Variants in CNTN5 observed in about 807,000 individuals in gnomAD.
CNTN5 encodes the protein contactin-5.
A neutral mutation model predicts 129.1 loss-of-function variants in CNTN5; 77 were observed. That is an observed-to-expected ratio of 0.60 (90% CI 0.50 to 0.72). The LOEUF is 0.72. CNTN5 is among the 30% of genes least tolerant of loss of function. The pLI is 0.00. For synonymous variants in CNTN5, 509 were observed against 465.6 expected (o/e 1.09, Z -1.20); for missense variants, 1,478 against 1,328.8 (o/e 1.11, Z -1.75).
intron 2 of CNTN5, among the ~76,000 whole-genome samples, chr11:99,463,899 C>T (rs1944833361): frequency 6.6e-6 from 1 of 152,048 alleles, no homozygotes; most frequent in Non-Finnish European, 1.5e-5. Flanking sequence ...AGTTTTTAAA[C>T]TAAAAGAAGA....
chr11:99,840,004 C>T (rs973035380), intron 4 of CNTN5, among the ~76,000 whole-genome samples: 1 of 150,844 alleles, frequency 6.6e-6, no homozygotes, highest in Non-Finnish European at 1.5e-5. Flanking sequence ...AAAAAAAAAT[C>T]GTACAAGATG....
chr11:99,096,892 G>C (rs1866491231), intron 1 of CNTN5, among the ~76,000 whole-genome samples: 2 of 151,776 alleles, frequency 1.3e-5, no homozygotes, highest in African/African-American at 2.4e-5. Context: ...TGCAGATAAT[G>C]ATTTCAAGAC....
intron 3 of CNTN5, among the ~76,000 whole-genome samples, chr11:99,645,600 A>G (rs1445161210): frequency 6.6e-6 from 1 of 152,154 alleles, no homozygotes; most frequent in Non-Finnish European, 1.5e-5. Context: ...AATATACACC[A>G]TGGAATACTA....
Position 99,595,675 on chromosome 11 carries a change from A to T in CNTN5, c.55+39406A>T, listed in dbSNP as rs117467460. ...CTAATACCTTATTCTAAATAAAGAAAAACTAACAATACAGAGGCTTTGTCC... is the reference window on the plus strand; with the variant it reads ...CTAATACCTTATTCTAAATAAAGAATAACTAACAATACAGAGGCTTTGTCC... On this transcript the variant is annotated intron_variant, in intron 3 of 24. Coordinates refer to ENST00000524871, the MANE Select transcript of CNTN5 (RefSeq NM_014361.4). Among the ~76,000 whole-genome samples, 1,359 of 152,198 alleles carry T rather than the reference A, an allele frequency of 8.9e-3. 15 individuals are homozygous for T. Among genetic ancestry groups the T allele is most frequent in the South Asian group, 0.027 (131 of 4,816 alleles).
chr11:99,590,750 C>A (rs1467890348), intron 3 of CNTN5, among the ~76,000 whole-genome samples: 1 of 152,080 alleles, frequency 6.6e-6, no homozygotes. Flanking sequence ...GCAAAGGGAA[C>A]AATGGTTTGA....
intron 1 of CNTN5, among the ~76,000 whole-genome samples, chr11:99,216,635 G>GGAT (rs1461515086): frequency 2.0e-4 from 30 of 151,972 alleles, no homozygotes; most frequent in African/African-American, 7.0e-4. Flanking sequence ...AAATTAATAT[G>GGAT]GATTAAATAC....
intron 3 of CNTN5, among the ~76,000 whole-genome samples, chr11:99,734,962 A>C (rs1420395737): frequency 2.0e-5 from 3 of 152,222 alleles, no homozygotes; most frequent in Admixed American, 6.5e-5. Flanking sequence ...GAGCCGAGAT[A>C]GCACCACTGC....
At chr11:99,763,990 C>G (rs1020672150) in intron 3 of CNTN5, among the ~76,000 whole-genome samples, 2 of 151,808 alleles carry the variant, frequency 1.3e-5, no homozygotes, top group African/African-American at 2.4e-5. Context: ...TTCAAATAAC[C>G]ATGATATTTA....
chr11:99,112,315 G>A lies in CNTN5; in HGVS notation c.-210+91045G>A, dbSNP rs570322469. On this transcript the variant is annotated intron_variant, in intron 1 of 24. Transcript: ENST00000524871. ...AAATTTTAATGGAAAAATAAATAAGGGATTCTTAATCTCAAGAAGGTTATG... is the reference window on the plus strand; with the variant it reads ...AAATTTTAATGGAAAAATAAATAAGAGATTCTTAATCTCAAGAAGGTTATG... Among the ~76,000 whole-genome samples the A allele has an allele frequency of 6.7e-4, 101 of 151,828 alleles. 1 individual carries two copies. The highest frequency in any genetic ancestry group is 2.4e-3 in the African/African-American group (99 of 41,422).
chr11:100,037,624 T>A (rs1942095431), intron 9 of CNTN5, among the ~76,000 whole-genome samples: 1 of 152,200 alleles, frequency 6.6e-6, no homozygotes, highest in African/African-American at 2.4e-5. Context: ...GGTAAACTAT[T>A]GATTATTGCC....
intron 3 of CNTN5, among the ~76,000 whole-genome samples, chr11:99,560,915 G>T (rs556460157): frequency 6.6e-6 from 1 of 152,046 alleles, no homozygotes; most frequent in African/African-American, 2.4e-5. Context: ...TGTGTGTTTG[G>T]GTGGGTGTGT....
chr11:99,245,703 G>A lies in CNTN5; in HGVS notation c.-209-79643G>A, dbSNP rs975621955. ...CTACTCTGACTATATCCCACGGAAG[G>A]ACATTACTTGAAGTACATGTTTCTG... On this transcript the variant is annotated intron_variant, in intron 1 of 24. Transcript: ENST00000524871. Among the ~76,000 whole-genome samples the A allele has an allele frequency of 8.5e-5, 13 of 152,236 alleles. No individual in the cohort carries two copies. The East Asian group carries it at 2.1e-3, about 25-fold the overall frequency.
intron 16 of CNTN5, among the ~76,000 whole-genome samples, chr11:100,251,994 C>T (rs570704338): frequency 6.6e-6 from 1 of 152,230 alleles, no homozygotes; most frequent in South Asian, 2.1e-4. Context: ...ATCCTCTGTA[C>T]TGTTCTCCAT....
In CNTN5 at chr11:100,255,812, G is replaced by T. The variant is rs778646534; in HGVS notation, c.2058G>T (p.Thr686=). The change falls in exon 17 of 25, where the codon ACG becomes ACT. Residue 686 remains threonine (T), a synonymous_variant. Coordinates refer to ENST00000524871, the MANE Select transcript of CNTN5 (RefSeq NM_014361.4). ...IVIVEEITES[T]ATLSWSPAAD... is the part of the protein sequence containing the mutation. ...TTGTTGAGGAAATAACCGAAAGTAC[G>T]GCCACACTGTCCTGGAGCCCAGCAG... 2.5e-6 allele frequency: 4 copies of T among 1,613,708 alleles called. No individual in the cohort carries two copies. In the African/African-American group the frequency reaches 5.3e-5, roughly 22 times the overall value.
chr11:99,966,416 CA>C (rs1230583574), intron 8 of CNTN5, among the ~76,000 whole-genome samples: 1 of 152,130 alleles, frequency 6.6e-6, no homozygotes, highest in Non-Finnish European at 1.5e-5. Flanking sequence ...AGATGCATTA[CA>C]GAGATGACCG....
chr11:100,248,320 G>A (rs1004081110), intron 16 of CNTN5, among the ~76,000 whole-genome samples: 1 of 152,076 alleles, frequency 6.6e-6, no homozygotes, highest in African/African-American at 2.4e-5. Context: ...GCCAAGTTTG[G>A]GACTGCTTGA....
At chr11:99,070,904 C>A (rs2135246559) in intron 1 of CNTN5, among the ~76,000 whole-genome samples, 1 of 152,180 alleles carries the variant, frequency 6.6e-6, no homozygotes, top group African/African-American at 2.4e-5. Flanking sequence ...AATATAGAAG[C>A]TGACTCTCAA....
chr11:99,803,903 A>G (rs1014454504), intron 3 of CNTN5, among the ~76,000 whole-genome samples: 41 of 152,164 alleles, frequency 2.7e-4, no homozygotes, highest in African/African-American at 2.4e-4. Flanking sequence ...ATTGATCTTT[A>G]CGAACTCTTG....
intron 1 of CNTN5, among the ~76,000 whole-genome samples, chr11:99,278,506 G>T (rs1385499822): frequency 6.6e-6 from 1 of 151,522 alleles, no homozygotes; most frequent in Non-Finnish European, 1.5e-5. Flanking sequence ...ATTAAGTTTG[G>T]TATAAAATAA....
Sources: allele counts gnomAD v4.1 joint callset (sites outside exome capture counted in the v4.1 genomes callset), GRCh38; gene constraint gnomAD v4.1.1; transcripts MANE v1.5; gene names NCBI Gene and HGNC (gene_info 2026-07-23, HGNC 2026-07-21).